Variants in CPE observed in about 807,000 individuals in gnomAD.
CPE encodes the protein carbocypeptidase E.
CPE carries 17 observed loss-of-function variants against 53.5 expected under a neutral mutation model. The ratio of observed to expected loss-of-function variants is 0.32; its 90% CI spans 0.22 to 0.48. The LOEUF is 0.48. Among genes scored for constraint, CPE ranks in the 20% least tolerant of loss-of-function variants. CPE has a pLI of 0.99. For missense variants in CPE, 524 were observed against 614.7 expected, an observed-to-expected ratio of 0.85 and a Z score of 1.56; for synonymous variants, 226 against 228.8, an observed-to-expected ratio of 0.99 and a Z score of 0.11.
At chr4:165,388,003 G>A (rs1476118882) in intron 1 of CPE, among the ~76,000 whole-genome samples, 1 of 152,146 alleles carries the variant, frequency 6.6e-6, no homozygotes, top group African/African-American at 2.4e-5. Context: ...CTCAATGTAG[G>A]CAACTCCTCA....
intron 5 of CPE, among the ~76,000 whole-genome samples, chr4:165,486,209 G>GGC (rs1553979553): frequency 2.9e-5 from 2 of 70,066 alleles, no homozygotes; most frequent in Admixed American, 2.3e-4. Flanking sequence ...GAAAAGGGGT[G>GGC]GGGGGGTAGC....
At chr4:165,429,064 C>T (rs1731366947) in intron 1 of CPE, among the ~76,000 whole-genome samples, 1 of 152,108 alleles carries the variant, frequency 6.6e-6, no homozygotes, top group Admixed American at 6.5e-5. Context: ...TATCTATTGC[C>T]ACATATTTAA....
intron 1 of CPE, among the ~76,000 whole-genome samples, chr4:165,411,401 T>G (rs1028756069): frequency 5.9e-5 from 9 of 152,302 alleles, no homozygotes; most frequent in African/African-American, 1.7e-4. Context: ...CTTGTTTTAT[T>G]TAGTTTATGT....
intron 1 of CPE, among the ~76,000 whole-genome samples, chr4:165,407,846 G>A (rs1321333781): frequency 3.3e-5 from 5 of 150,162 alleles, no homozygotes; most frequent in Non-Finnish European, 5.9e-5. Context: ...ATGAGCCACC[G>A]CGCCCGACCC....
intron 3 of CPE, among the ~76,000 whole-genome samples, chr4:165,477,095 G>T (rs1026524251): frequency 3.3e-5 from 5 of 152,202 alleles, no homozygotes; most frequent in Admixed American, 6.5e-5. Context: ...TATCATAGAA[G>T]AATGGTGAAA....
chr4:165,467,706 T>C lies in CPE; in HGVS notation c.523T>C (p.Trp175Arg). ...AASQPGELKD[W>R]FVGRSNAQGI... The stretch of plus-strand genomic sequence containing the variant: ...TTTTTAGCCTGGTGAACTCAAGGAC[T>C]GGTTTGTGGGTCGAAGCAATGCCCA... Residue 175 changes from tryptophan (W) to arginine (R), a missense_variant, in exon 3 of 9, where the codon TGG becomes CGG. Trp to Arg is a moderately radical substitution (Grantham distance 101, BLOSUM62 -3). Transcript: ENST00000402744. 1 of 1,602,846 alleles carries C rather than the reference T, an allele frequency of 6.2e-7. No individual in the cohort carries two copies. The highest frequency in any genetic ancestry group is 8.5e-7 in the Non-Finnish European group (1 of 1,176,224).
chr4:165,474,972 G>A (rs1341089983), intron 3 of CPE, among the ~76,000 whole-genome samples: 1 of 152,214 alleles, frequency 6.6e-6, no homozygotes, highest in Non-Finnish European at 1.5e-5. Context: ...TGAAGGTCTT[G>A]GTGCATGTTA....
chr4:165,433,611 T>C (rs1454459449), intron 1 of CPE, among the ~76,000 whole-genome samples: 1 of 152,210 alleles, frequency 6.6e-6, no homozygotes, highest in African/African-American at 2.4e-5. Flanking sequence ...AACTACTCAA[T>C]GCTGCCATTT....
intron 1 of CPE, among the ~76,000 whole-genome samples, chr4:165,407,891 G>A (rs1010772514): frequency 6.7e-6 from 1 of 149,682 alleles, no homozygotes; most frequent in Admixed American, 6.7e-5. Flanking sequence ...ACGGAGTTCC[G>A]CTGTGTCTCA....
intron 1 of CPE, chr4:165,381,307 C>T (rs1219101862): frequency 2.2e-6 from 1 of 456,122 alleles, no homozygotes; most frequent in Non-Finnish European, 4.4e-6. Flanking sequence ...AGTGGGGACC[C>T]TGATTCCAGC....
intron 1 of CPE, among the ~76,000 whole-genome samples, chr4:165,401,514 A>C (rs1391148015): frequency 6.6e-6 from 1 of 152,266 alleles, no homozygotes; most frequent in African/African-American, 2.4e-5. Flanking sequence ...CTGTAAAATC[A>C]TGAAACCTGT....
intron 1 of CPE, among the ~76,000 whole-genome samples, chr4:165,390,845 G>A (rs1730668162): frequency 6.6e-6 from 1 of 152,058 alleles, no homozygotes; most frequent in Non-Finnish European, 1.5e-5. Context: ...AAATTGTTAG[G>A]TTGTATGTTG....
chr4:165,450,642 C>T (rs1356809034), intron 1 of CPE, among the ~76,000 whole-genome samples: 7 of 152,190 alleles, frequency 4.6e-5, no homozygotes, highest in South Asian at 4.1e-4. Flanking sequence ...ACAAGCAATA[C>T]GCTTTCCTGT....
intron 1 of CPE, among the ~76,000 whole-genome samples, chr4:165,401,096 C>T (rs1007754609): frequency 1.1e-4 from 16 of 151,862 alleles, no homozygotes; most frequent in African/African-American, 3.6e-4. Flanking sequence ...TTTAGTGTGA[C>T]TTGAAACCCC....
At chr4:165,479,264 A>G (rs1732358826) in intron 3 of CPE, among the ~76,000 whole-genome samples, 2 of 152,220 alleles carry the variant, frequency 1.3e-5, no homozygotes, top group South Asian at 4.1e-4. Flanking sequence ...AGTTATTTTT[A>G]GGTTGATTTA....
chr4:165,398,405 G>T, intron 1 of CPE, among the ~76,000 whole-genome samples: 1 of 151,488 alleles, frequency 6.6e-6, no homozygotes, highest in East Asian at 1.9e-4. Context: ...AATACATATA[G>T]GTACATATAT....
intron 1 of CPE, among the ~76,000 whole-genome samples, chr4:165,393,477 G>A (rs1730716607): frequency 6.6e-6 from 1 of 152,050 alleles, no homozygotes; most frequent in South Asian, 2.1e-4. Flanking sequence ...TAGAATTATA[G>A]TTTTTTCCTA....
At chr4:165,457,558 C>T (rs942949851) in intron 1 of CPE, among the ~76,000 whole-genome samples, 5 of 152,106 alleles carry the variant, frequency 3.3e-5, no homozygotes, top group African/African-American at 1.2e-4. Flanking sequence ...TGTAAGACAA[C>T]TTTGAAATTA....
chr4:165,410,949 A>G (rs1731034535), intron 1 of CPE, among the ~76,000 whole-genome samples: 1 of 152,104 alleles, frequency 6.6e-6, no homozygotes, highest in South Asian at 2.1e-4. Flanking sequence ...GGGGACGTCA[A>G]AGGTAATTTC....
Sources: allele counts gnomAD v4.1 joint callset (sites outside exome capture counted in the v4.1 genomes callset), GRCh38; gene constraint gnomAD v4.1.1; transcripts MANE v1.5; gene names NCBI Gene and HGNC (gene_info 2026-07-23, HGNC 2026-07-21).